The following PTP4A3 variants were observed in gnomAD, a reference collection of about 807,000 sequenced individuals.
PTP4A3 encodes protein tyrosine phosphatase type IVA 3.
PTP4A3 carries 9 observed loss-of-function variants against 15.2 expected under a neutral mutation model. That is an observed-to-expected ratio of 0.59 (90% CI 0.36 to 1.03). The LOEUF is 1.03. PTP4A3 is among the 50% of genes least tolerant of loss of function. The probability of loss-of-function intolerance (pLI) is 0.02; values close to 1 mark genes in which losing one functional copy is unlikely to be tolerated. For synonymous variants in PTP4A3, 95 were observed against 102.0 expected, an observed-to-expected ratio of 0.93 and a Z score of 0.41; for missense variants, 234 against 252.1, an observed-to-expected ratio of 0.93 and a Z score of 0.49.
intron 1 of PTP4A3, among the ~76,000 whole-genome samples, chr8:141,411,396 C>T (rs886648118): frequency 6.6e-6 from 1 of 152,232 alleles, no homozygotes; most frequent in Non-Finnish European, 1.5e-5. Context: ...CCATGGGGAA[C>T]CTGCGGGCCC....
chr8:141,427,300 C>T (rs564975368), intron 4 of PTP4A3, among the ~76,000 whole-genome samples: 7 of 152,196 alleles, frequency 4.6e-5, no homozygotes, highest in Non-Finnish European at 1.0e-4. Context: ...ACCATCCTGA[C>T]ATCTTGTGTA....
Position 141,431,145 on chromosome 8 carries a change from A to G in PTP4A3, c.*101A>G. On this transcript the variant is annotated 3_prime_UTR_variant, in exon 6 of 6. Coordinates refer to ENST00000521578, the MANE Select transcript of PTP4A3 (RefSeq NM_032611.3). ...CTCTGCCCAGCCCAGCAGGGGCTCC[A>G]GGCCTTGGCTGGCCCCACATCGCCT... 1.7e-6 allele frequency: 2 copies of G among 1,154,540 alleles called. No individual in the cohort carries two copies. The highest frequency in any genetic ancestry group is 1.3e-5 in the South Asian group (1 of 76,040). The allele number at this position is 1,154,540 out of a possible 1,614,324, so 71.5% of individuals were successfully genotyped here.
chr8:141,407,778 G>T (rs1255859508), intron 1 of PTP4A3, among the ~76,000 whole-genome samples: 1 of 152,162 alleles, frequency 6.6e-6, no homozygotes, highest in African/African-American at 2.4e-5. Flanking sequence ...TGTTGGCCAG[G>T]CTGGTTTCAA....
At position 141,431,340 on chromosome 8, in the gene PTP4A3, C is replaced by G. The variant is rs1464733799; in HGVS notation, c.*296C>G. ...CGCCCTCTGCCCGCCCCCTCCCACA[C>G]CAGCCAGGCTGGTCTCCTCTAGCCT... On this transcript the variant is annotated 3_prime_UTR_variant, in exon 6 of 6. Transcript: ENST00000521578. 2.0e-6 allele frequency: 1 copy of G among 492,758 alleles called. No homozygotes were observed. The highest frequency in any genetic ancestry group is 1.9e-5 in the African/African-American group (1 of 51,444). 30.5% of individuals were successfully genotyped at this position (492,758 alleles called of 1,614,324 possible). A position where few individuals can be genotyped will look rare whatever the true frequency, so the allele number is the denominator to read the frequency against.
intron 1 of PTP4A3, among the ~76,000 whole-genome samples, chr8:141,413,587 G>T (rs1255595435): frequency 6.6e-6 from 1 of 152,252 alleles, no homozygotes; most frequent in Non-Finnish European, 1.5e-5. Flanking sequence ...TGGGAGGCTG[G>T]GGGCAGGGAG....
At chr8:141,400,199 T>C (rs930141964) in intron 1 of PTP4A3, among the ~76,000 whole-genome samples, 3 of 152,178 alleles carry the variant, frequency 2.0e-5, no homozygotes, top group Non-Finnish European at 4.4e-5. Context: ...GGCCCACCAC[T>C]GTGCCTGGCC....
intron 5 of PTP4A3, among the ~76,000 whole-genome samples, chr8:141,428,101 A>G (rs547495902): frequency 6.6e-6 from 1 of 151,926 alleles, no homozygotes; most frequent in Non-Finnish European, 1.5e-5. Flanking sequence ...CTTCTGTCGC[A>G]GCCATCCTGA....
intron 1 of PTP4A3, among the ~76,000 whole-genome samples, chr8:141,394,606 C>T (rs903087447): frequency 5.3e-5 from 8 of 152,232 alleles, no homozygotes; most frequent in Admixed American, 2.6e-4. Context: ...CTTGCCCCTC[C>T]GTTTCCACAC....
rs1340626321 is a variant in PTP4A3 at position 141,431,157 on chromosome 8, G to A, written c.*113G>A. ...CAGCAGGGGCTCCAGGCCTTGGCTG[G>A]CCCCACATCGCCTTTTCCTCCCCGA... On this transcript the variant is annotated 3_prime_UTR_variant, in exon 6 of 6. Coordinates refer to ENST00000521578, the MANE Select transcript of PTP4A3 (RefSeq NM_032611.3). 3.1e-6 allele frequency: 3 copies of A among 974,710 alleles called. No individual in the cohort carries two copies. The highest frequency in any genetic ancestry group is 2.4e-5 in the East Asian group (1 of 41,142). 60.4% of individuals were successfully genotyped at this position (974,710 alleles called of 1,614,324 possible).
At chr8:141,424,825 C>T (rs1435258154) in intron 2 of PTP4A3, among the ~76,000 whole-genome samples, 1 of 152,138 alleles carries the variant, frequency 6.6e-6, no homozygotes, top group Non-Finnish European at 1.5e-5. Flanking sequence ...GTCTGCCTGG[C>T]TGGAGGGTGA....
intron 1 of PTP4A3, among the ~76,000 whole-genome samples, chr8:141,405,547 C>T (rs555055486): frequency 1.3e-5 from 2 of 152,338 alleles, no homozygotes; most frequent in African/African-American, 4.8e-5. Flanking sequence ...TCATCCATCA[C>T]TGAGGATGCT....
chr8:141,401,881 C>T (rs570331215), intron 1 of PTP4A3, among the ~76,000 whole-genome samples: 8 of 152,338 alleles, frequency 5.3e-5, no homozygotes, highest in Admixed American at 2.6e-4. Flanking sequence ...ACCCCTCCCC[C>T]GCTGTGGCCC....
At chr8:141,415,313 C>T (rs1411690844) in intron 1 of PTP4A3, among the ~76,000 whole-genome samples, 1 of 151,958 alleles carries the variant, frequency 6.6e-6, no homozygotes. Flanking sequence ...CCAGTCTTTC[C>T]CCACCCCAAC....
chr8:141,430,635 T>G (rs1028246930), intron 5 of PTP4A3, among the ~76,000 whole-genome samples: 2 of 152,044 alleles, frequency 1.3e-5, no homozygotes, highest in Admixed American at 6.5e-5. Context: ...GGCCTTGGGG[T>G]GGGTCCTACC....
chr8:141,429,379 C>T (rs1471306153), intron 5 of PTP4A3, among the ~76,000 whole-genome samples: 2 of 152,380 alleles, frequency 1.3e-5, no homozygotes, highest in South Asian at 2.1e-4. Context: ...GGGCAGCCCC[C>T]GCCCCTCAAC....
chr8:141,425,113 G>A lies in PTP4A3; in HGVS notation c.171G>A (p.Pro57=), dbSNP rs765459968. 46 of 1,612,998 alleles carry A rather than the reference G, an allele frequency of 2.9e-5. No individual in the cohort carries two copies. Among genetic ancestry groups the A allele is most frequent in the East Asian group, 1.8e-4 (8 of 44,848 alleles). Residue 57 remains proline, a synonymous_variant, in exon 3 of 6, where the codon CCG becomes CCA. Coordinates refer to ENST00000521578, the MANE Select transcript of PTP4A3 (RefSeq NM_032611.3). This position sits in a 1 kb window ranked among gnomAD's most constrained non-coding sequence, Gnocchi z 4.2. ...RVCEVTYDKT[P]LEKDGITVVD... is the part of the protein sequence containing the mutation. ...GTGAAGTGACCTATGACAAAACGCCGCTGGAGAAGGATGGCATCACCGTTG... is the reference window on the plus strand; with the variant it reads ...GTGAAGTGACCTATGACAAAACGCCACTGGAGAAGGATGGCATCACCGTTG...
chr8:141,423,366 G>T (rs1298654738), intron 2 of PTP4A3, among the ~76,000 whole-genome samples: 2 of 152,228 alleles, frequency 1.3e-5, no homozygotes, highest in African/African-American at 2.4e-5. Flanking sequence ...CCAGGGTGAG[G>T]CCTCAGAATA....
chr8:141,400,912 G>A (rs1207031893), intron 1 of PTP4A3, among the ~76,000 whole-genome samples: 1 of 152,170 alleles, frequency 6.6e-6, no homozygotes, highest in Admixed American at 6.5e-5. Flanking sequence ...AGAGGTCGTG[G>A]TGGGGCAGGA....
At chr8:141,402,227 C>A (rs1033642877) in intron 1 of PTP4A3, among the ~76,000 whole-genome samples, 1 of 152,154 alleles carries the variant, frequency 6.6e-6, no homozygotes, top group Non-Finnish European at 1.5e-5. Context: ...CTGGCAGGGG[C>A]TGAAGGCATG....
Sources: allele counts gnomAD v4.1 joint callset (sites outside exome capture counted in the v4.1 genomes callset), GRCh38; gene constraint gnomAD v4.1.1; non-coding constraint Gnocchi (gnomAD v3.1); transcripts MANE v1.5; gene names NCBI Gene and HGNC (gene_info 2026-07-23, HGNC 2026-07-21).